The following SUMF1 variants were observed in gnomAD, a reference collection of about 807,000 sequenced individuals.
SUMF1 encodes the protein sulfatase modifying factor 1, also known as formylglycine-generating enzyme.
A neutral mutation model predicts 47.6 loss-of-function variants in SUMF1; 48 were observed. That is an observed-to-expected ratio of 1.01 (90% CI 0.80 to 1.28). The LOEUF (loss-of-function observed/expected upper bound fraction) is 1.28, where lower values mean the gene tolerates loss of function less well. Ranked by LOEUF, SUMF1 falls within the 50% of genes most tolerant of loss-of-function variation. The pLI is 0.00. For synonymous variants in SUMF1, 230 were observed against 192.1 expected (o/e 1.20, Z -1.63); for missense variants, 571 against 485.4 (o/e 1.18, Z -1.66).
intron 8 of SUMF1, among the ~76,000 whole-genome samples, chr3:4,289,638 C>A (rs560077707): frequency 1.2e-3 from 186 of 152,280 alleles, no homozygotes; most frequent in African/African-American, 4.3e-3. Flanking sequence ...TCACCCATTA[C>A]AGTACTCTTT....
At chr3:4,085,810 T>C (rs1231103357) in intron 8 of SUMF1, among the ~76,000 whole-genome samples, 1 of 151,958 alleles carries the variant, frequency 6.6e-6, no homozygotes, top group Non-Finnish European at 1.5e-5. Context: ...TGGACAAAAA[T>C]ATTGCTTTCT....
chr3:4,066,706 C>T (rs1695383704), intron 9 of SUMF1, among the ~76,000 whole-genome samples: 1 of 152,144 alleles, frequency 6.6e-6, no homozygotes, highest in Non-Finnish European at 1.5e-5. Context: ...GGCTTGGCTG[C>T]CATCTTCCCG....
intron 8 of SUMF1, among the ~76,000 whole-genome samples, chr3:4,298,597 T>G (rs187176499): frequency 2.0e-5 from 3 of 151,952 alleles, no homozygotes; most frequent in East Asian, 3.9e-4. Flanking sequence ...AATATAGGAG[T>G]GTGGTTCTCC....
chr3:4,356,413 TGGGGACAGC>T, downstream of SUMF1, among the ~76,000 whole-genome samples: 2 of 220 alleles, frequency 9.1e-3, no homozygotes, highest in Non-Finnish European at 0.016. Flanking sequence ...TGGTTTTCCG[TGGGGACAGC>T]GTGGGGACAG....
chr3:4,135,224 A>G (rs1290466825), intron 8 of SUMF1, among the ~76,000 whole-genome samples: 3 of 152,208 alleles, frequency 2.0e-5, no homozygotes, highest in East Asian at 1.9e-4. Context: ...AAAATCCTCA[A>G]TAAAATACTG....
intron 9 of SUMF1, among the ~76,000 whole-genome samples, chr3:4,050,918 A>G (rs1695100014): frequency 6.6e-6 from 1 of 151,940 alleles, no homozygotes; most frequent in Non-Finnish European, 1.5e-5. Context: ...GGCTTTAGAA[A>G]TGTAAGAAAA....
chr3:4,461,017 T>G (rs1428488137), intron 1 of SUMF1, among the ~76,000 whole-genome samples: 1 of 152,156 alleles, frequency 6.6e-6, no homozygotes, highest in Non-Finnish European at 1.5e-5. Flanking sequence ...GGACCAGAAA[T>G]GAATCTTTTA....
chr3:4,133,363 T>A (rs1574912459), intron 8 of SUMF1, among the ~76,000 whole-genome samples: 2 of 152,224 alleles, frequency 1.3e-5, no homozygotes, highest in South Asian at 2.1e-4. Flanking sequence ...ATTTGAAAAT[T>A]ATGTATGATC....
intron 8 of SUMF1, among the ~76,000 whole-genome samples, chr3:4,100,754 C>T (rs1192950303): frequency 3.3e-5 from 5 of 151,906 alleles, no homozygotes; most frequent in African/African-American, 9.7e-5. Context: ...AATCATGTAT[C>T]AGATAAGAAG....
At chr3:4,336,538 C>T (rs1394618090) in intron 8 of SUMF1, among the ~76,000 whole-genome samples, 1 of 152,208 alleles carries the variant, frequency 6.6e-6, no homozygotes, top group Non-Finnish European at 1.5e-5. Flanking sequence ...CCAAGTTTAA[C>T]TTTCCCTTTG....
Position 4,453,006 on chromosome 3 carries a change from T to A in SUMF1, c.314A>T (p.Asp105Val). 1 of 1,614,074 alleles carries A rather than the reference T, an allele frequency of 6.2e-7. No individual in the cohort carries two copies. The part of the protein sequence containing the change: ...PAGVFTMGTD[D>V]PQIKQDGEAP... The stretch of plus-strand genomic sequence containing the variant: ...TTCCCCATCCTGCTTTATCTGAGGA[T>A]CATCTGTGCCCATTGTAAATACTCC... The change falls in exon 2 of 9, where the codon GAT becomes GTT. Residue 105 changes from aspartate (D) to valine (V), a missense_variant. By Grantham distance (152) the Asp-to-Val change is radical. Transcript: ENST00000272902.
chr3:4,094,040 C>A (rs751869782), intron 8 of SUMF1, among the ~76,000 whole-genome samples: 10 of 151,888 alleles, frequency 6.6e-5, no homozygotes, highest in Admixed American at 6.6e-5. Flanking sequence ...AGATATGAAT[C>A]CAAGACATAC....
intron 2 of SUMF1, among the ~76,000 whole-genome samples, chr3:4,451,673 T>C (rs1291505276): frequency 1.3e-5 from 2 of 152,170 alleles, no homozygotes; most frequent in Non-Finnish European, 2.9e-5. Context: ...TTATTACGAA[T>C]GTGTACAAAA....
At chr3:4,123,044 G>C (rs546431855) in intron 8 of SUMF1, among the ~76,000 whole-genome samples, 1 of 152,148 alleles carries the variant, frequency 6.6e-6, no homozygotes, top group Non-Finnish European at 1.5e-5. Flanking sequence ...AGTGGCCTTT[G>C]TTTTCATGCA....
At chr3:4,394,915 G>A (rs553425316) in intron 7 of SUMF1, among the ~76,000 whole-genome samples, 1 of 152,126 alleles carries the variant, frequency 6.6e-6, no homozygotes, top group Admixed American at 6.6e-5. Context: ...CCTAAAAGAA[G>A]CCTCTTTCAA....
intron 8 of SUMF1, among the ~76,000 whole-genome samples, chr3:4,073,985 G>A (rs541413118): frequency 2.6e-5 from 4 of 152,050 alleles, no homozygotes; most frequent in Admixed American, 6.5e-5. Flanking sequence ...TGGACCATGC[G>A]GACCTAATAG....
At chr3:4,077,077 A>T (rs1692455498) in intron 8 of SUMF1, among the ~76,000 whole-genome samples, 1 of 152,160 alleles carries the variant, frequency 6.6e-6, no homozygotes, top group Admixed American at 6.5e-5. Context: ...ACTGGTCATT[A>T]GAGAAGTGCA....
chr3:4,420,180 A>AG, intron 3 of SUMF1, 34 bp from the exon 4 acceptor site: 8 of 1,503,936 alleles, frequency 5.3e-6, no homozygotes, highest in Non-Finnish European at 7.4e-6. Flanking sequence ...GATGTTAGCT[A>AG]CTAACATCAA....
At chr3:4,279,506 T>C (rs1697486198) in intron 8 of SUMF1, among the ~76,000 whole-genome samples, 1 of 152,110 alleles carries the variant, frequency 6.6e-6, no homozygotes, top group Non-Finnish European at 1.5e-5. Context: ...CTCTCCAAGA[T>C]ATACTGGAAA....
Sources: gnomAD v4.1 joint callset for allele counts (sites outside exome capture counted in the v4.1 genomes callset) on GRCh38, gnomAD v4.1.1 for gene constraint, MANE v1.5 for transcripts, NCBI Gene and HGNC (gene_info 2026-07-23, HGNC 2026-07-21) for gene names.